SYNDIG1: variants seen among roughly 807,000 people sequenced by gnomAD.
SYNDIG1 encodes the protein synapse differentiation-inducing gene protein 1.
A neutral mutation model predicts 19.4 loss-of-function variants in SYNDIG1; 9 were observed. The ratio of observed to expected loss-of-function variants is 0.46; its 90% CI spans 0.28 to 0.81. The LOEUF (loss-of-function observed/expected upper bound fraction) is 0.81, where lower values mean the gene tolerates loss of function less well. Ranked by LOEUF, SYNDIG1 falls within the 30% of genes least tolerant of loss-of-function variation. The pLI is 0.12. For synonymous variants in SYNDIG1, 141 were observed against 145.9 expected (o/e 0.97, Z 0.24); for missense variants, 311 against 343.3 (o/e 0.91, Z 0.74).
chr20:24,507,668 G>A (rs2056627237), intron 1 of SYNDIG1, among the ~76,000 whole-genome samples: 1 of 152,222 alleles, frequency 6.6e-6, no homozygotes, highest in Non-Finnish European at 1.5e-5. Context: ...GTGTGGGGGA[G>A]CCTTCCCTGC....
chr20:24,614,862 T>C (rs922230930), intron 3 of SYNDIG1, among the ~76,000 whole-genome samples: 3 of 152,214 alleles, frequency 2.0e-5, no homozygotes, highest in Non-Finnish European at 4.4e-5. Flanking sequence ...GAATGGAGTA[T>C]GAAATGAACA....
intron 3 of SYNDIG1, among the ~76,000 whole-genome samples, chr20:24,656,353 T>G (rs1600835516): frequency 1.3e-5 from 2 of 152,348 alleles, no homozygotes; most frequent in South Asian, 2.1e-4. Context: ...TCCCACTGAT[T>G]CTAGCCGTAA....
Position 24,665,415 on chromosome 20 carries a change from G to A in SYNDIG1, c.688G>A (p.Ala230Thr). The change falls in exon 4 of 4, where the codon GCA becomes ACA. Residue 230 changes from alanine to threonine, a missense_variant. Physicochemically the swap from Ala to Thr is moderately conservative, Grantham distance 58. Coordinates refer to ENST00000376862, the MANE Select transcript of SYNDIG1 (RefSeq NM_024893.3). ...CAGCTCCCGGCGGGCCCTATTCCTG[G>A]CAGTGCTGTCCATCACCATTGGGAC... The part of the protein sequence containing the change: ...STSSRRALFL[A>T]VLSITIGTGV... 6.2e-7 allele frequency: 1 copy of A among 1,613,220 alleles called. No homozygotes were observed. The highest frequency in any genetic ancestry group is 1.1e-5 in the South Asian group (1 of 90,894).
intron 2 of SYNDIG1, among the ~76,000 whole-genome samples, chr20:24,557,425 T>C (rs1455768612): frequency 6.6e-6 from 1 of 152,138 alleles, no homozygotes; most frequent in Non-Finnish European, 1.5e-5. Context: ...TTTTTTCCCA[T>C]CTTTGTGGTT....
At chr20:24,533,283 G>C (rs769591660) in intron 1 of SYNDIG1, among the ~76,000 whole-genome samples, 4 of 152,080 alleles carry the variant, frequency 2.6e-5, no homozygotes, top group Non-Finnish European at 5.9e-5. Context: ...TTGCAGGCTG[G>C]GAGGCCTTCC....
chr20:24,606,869 GAGCAGAAGA>G (rs1220736611), intron 3 of SYNDIG1, among the ~76,000 whole-genome samples: 1 of 152,206 alleles, frequency 6.6e-6, no homozygotes, highest in African/African-American at 2.4e-5. Context: ...GGATGCTGAC[GAGCAGAAGA>G]AGCAGTGTTT....
At chr20:24,550,802 G>T (rs367660298) in intron 2 of SYNDIG1, among the ~76,000 whole-genome samples, 2 of 152,134 alleles carry the variant, frequency 1.3e-5, no homozygotes, top group African/African-American at 4.8e-5. Flanking sequence ...GAGCCACTGC[G>T]CCCAGCCTAC....
chr20:24,649,800 C>A (rs1402895154), intron 3 of SYNDIG1, among the ~76,000 whole-genome samples: 2 of 152,198 alleles, frequency 1.3e-5, no homozygotes. Flanking sequence ...CCCATGTCAT[C>A]CCAGTTGGCC....
chr20:24,575,051 G>A (rs2058205853), intron 2 of SYNDIG1, among the ~76,000 whole-genome samples: 1 of 152,224 alleles, frequency 6.6e-6, no homozygotes, highest in Non-Finnish European at 1.5e-5. Flanking sequence ...TGCTTCCCCA[G>A]CCTCATCCCA....
intron 2 of SYNDIG1, among the ~76,000 whole-genome samples, chr20:24,568,632 G>C (rs1478057655): frequency 6.6e-6 from 1 of 152,220 alleles, no homozygotes. Context: ...ACATTGTCCT[G>C]ATCACCTCCG....
At chr20:24,643,080 CAT>C (rs148680415) in intron 3 of SYNDIG1, among the ~76,000 whole-genome samples, 7 of 151,806 alleles carry the variant, frequency 4.6e-5, no homozygotes, top group African/African-American at 1.5e-4. Flanking sequence ...TATTTATGTA[CAT>C]ATATATATAT....
intron 3 of SYNDIG1, among the ~76,000 whole-genome samples, chr20:24,601,316 C>T (rs925010377): frequency 7.2e-5 from 11 of 152,136 alleles, no homozygotes; most frequent in Non-Finnish European, 1.6e-4. Context: ...GTTTTGATAT[C>T]AATGTTACTC....
rs192110141 is a variant in SYNDIG1 at position 24,641,065 on chromosome 20, A to G, written c.619-24281A>G. 2.6e-5 allele frequency among the ~76,000 whole-genome samples: 4 copies of G among 152,356 alleles called. No homozygotes were observed. In the East Asian group the frequency reaches 7.7e-4, roughly 29 times the overall value. ...CATTTGTTCCCAGGAACTTTTGCTT[A>G]GAGAATGATATTGATGACAGTAGTT... On this transcript the variant is annotated intron_variant, in intron 3 of 3. Transcript: ENST00000376862.
Position 24,488,234 on chromosome 20 carries a change from A to C in SYNDIG1, c.-79+18481A>C, listed in dbSNP as rs143166689. Among the ~76,000 whole-genome samples the C allele has an allele frequency of 8.8e-4, 134 of 152,336 alleles. 1 individual carries two copies. Among genetic ancestry groups the C allele is most frequent in the African/African-American group, 3.1e-3 (129 of 41,576 alleles). ...TCATTTATTGCTCCTGCAGAGAGGAAGTGTGGGAAATAATTCAGCCGGGAT... is the reference window on the plus strand; with the variant it reads ...TCATTTATTGCTCCTGCAGAGAGGACGTGTGGGAAATAATTCAGCCGGGAT... On this transcript the variant is annotated intron_variant, in intron 1 of 3. Transcript: ENST00000376862.
intron 3 of SYNDIG1, among the ~76,000 whole-genome samples, chr20:24,617,012 C>T (rs923774750): frequency 6.6e-6 from 1 of 152,142 alleles, no homozygotes; most frequent in African/African-American, 2.4e-5. Context: ...GGTATCTGCC[C>T]GCTTCCACAG....
Position 24,533,123 on chromosome 20 carries a change from G to T in SYNDIG1, c.-78-9897G>T, listed in dbSNP as rs756398671. On this transcript the variant is annotated intron_variant, in intron 1 of 3. Coordinates refer to ENST00000376862, the MANE Select transcript of SYNDIG1 (RefSeq NM_024893.3). ...GACCAGAATGCCATTGAGCACTGAG[G>T]AGTCATTCTCCTAGGAACTGAGGAC... Among the ~76,000 whole-genome samples the T allele has an allele frequency of 2.0e-5, 3 of 152,258 alleles. No homozygotes were observed. The Middle Eastern group carries it at 0.01, about 518-fold the overall frequency.
rs151319650 is a variant in SYNDIG1 at position 24,579,299 on chromosome 20, G to C, written c.481-5557G>C. On this transcript the variant is annotated intron_variant, in intron 2 of 3. Coordinates refer to ENST00000376862, the MANE Select transcript of SYNDIG1 (RefSeq NM_024893.3). ...CAAGATGGTGTCTGTTAAAATGACT[G>C]TTTTCGAGCTGCTGAAGTCTTGCTC... Among the ~76,000 whole-genome samples the C allele has an allele frequency of 1.6e-4, 25 of 152,332 alleles. No individual in the cohort carries two copies. The East Asian group carries it at 4.2e-3, about 26-fold the overall frequency.
chr20:24,483,597 G>A (rs957452485), intron 1 of SYNDIG1, among the ~76,000 whole-genome samples: 11 of 152,234 alleles, frequency 7.2e-5, no homozygotes, highest in Non-Finnish European at 1.3e-4. Flanking sequence ...CCACCCAGGA[G>A]TCCCAGCCTG....
chr20:24,531,632 A>AAG (rs1352737027), intron 1 of SYNDIG1, among the ~76,000 whole-genome samples: 5 of 23,380 alleles, frequency 2.1e-4, no homozygotes, highest in African/African-American at 4.1e-4. Flanking sequence ...GACAATTTTG[A>AAG]AAAAAAAAAT....
Sources: allele counts gnomAD v4.1 joint callset (sites outside exome capture counted in the v4.1 genomes callset), GRCh38; gene constraint gnomAD v4.1.1; transcripts MANE v1.5; gene names NCBI Gene and HGNC (gene_info 2026-07-23, HGNC 2026-07-21).